The following SGCZ variants were observed in gnomAD, a reference collection of about 807,000 sequenced individuals.
The protein encoded by SGCZ is zeta-sarcoglycan.
A neutral mutation model predicts 41.3 loss-of-function variants in SGCZ; 40 were observed. The observed-to-expected ratio is 0.97, with a 90% confidence interval of 0.75 to 1.26. SGCZ has a LOEUF of 1.26. Among genes scored for constraint, SGCZ ranks in the 50% most tolerant of loss-of-function variants. The pLI is 0.00. For synonymous variants in SGCZ, 206 were observed against 137.5 expected (o/e 1.50, Z -3.49); for missense variants, 552 against 369.8 (o/e 1.49, Z -4.04).
At chr8:14,458,361 C>G (rs1165657269) in intron 2 of SGCZ, among the ~76,000 whole-genome samples, 1 of 152,158 alleles carries the variant, frequency 6.6e-6, no homozygotes, top group South Asian at 2.1e-4. Flanking sequence ...CAAAAATGAC[C>G]GTAAACAAAT....
intron 1 of SGCZ, among the ~76,000 whole-genome samples, chr8:14,613,467 A>T (rs1585125549): frequency 6.6e-6 from 1 of 152,284 alleles, no homozygotes; most frequent in East Asian, 1.9e-4. Flanking sequence ...AAATTCAGGT[A>T]ACTTGAACTG....
chr8:14,535,690 T>C (rs548909294), intron 2 of SGCZ, among the ~76,000 whole-genome samples: 51 of 152,034 alleles, frequency 3.4e-4, no homozygotes, highest in African/African-American at 1.2e-3. Context: ...TATCATCTTA[T>C]TCTATCATTC....
chr8:14,806,294 T>C (rs1161006438), intron 1 of SGCZ, among the ~76,000 whole-genome samples: 1 of 150,524 alleles, frequency 6.6e-6, no homozygotes, highest in African/African-American at 2.5e-5. Context: ...ATCCAGGAGC[T>C]GGTTTTTTGA....
chr8:14,917,186 A>T (rs1483995900), intron 1 of SGCZ, among the ~76,000 whole-genome samples: 1 of 152,110 alleles, frequency 6.6e-6, no homozygotes, highest in East Asian at 1.9e-4. Flanking sequence ...TGTCAGCTTT[A>T]TAGGGAAAAG....
At chr8:14,282,886 G>T in intron 3 of SGCZ, among the ~76,000 whole-genome samples, 1 of 106,978 alleles carries the variant, frequency 9.3e-6, no homozygotes. Flanking sequence ...GTCTCACTCT[G>T]TCACCCAGGC....
chr8:14,956,724 T>C (rs1455600945), intron 1 of SGCZ, among the ~76,000 whole-genome samples: 1 of 152,218 alleles, frequency 6.6e-6, no homozygotes, highest in South Asian at 2.1e-4. Flanking sequence ...TCACATTTCC[T>C]TGATGGTCAG....
At chr8:14,163,545 C>T (rs768154218) in intron 5 of SGCZ, among the ~76,000 whole-genome samples, 1 of 152,156 alleles carries the variant, frequency 6.6e-6, no homozygotes, top group Admixed American at 6.6e-5. Context: ...CCAACACAAC[C>T]TCTTCATTAT....
intron 1 of SGCZ, among the ~76,000 whole-genome samples, chr8:14,870,959 C>T (rs1398181459): frequency 6.6e-6 from 1 of 151,686 alleles, no homozygotes; most frequent in African/African-American, 2.4e-5. Context: ...TGTAATATCA[C>T]CACTTTGGGA....
intron 1 of SGCZ, among the ~76,000 whole-genome samples, chr8:15,169,029 T>C (rs1799750347): frequency 6.6e-6 from 1 of 152,194 alleles, no homozygotes; most frequent in Non-Finnish European, 1.5e-5. Flanking sequence ...TTTTGATACA[T>C]GTTTTCTAAT....
chr8:14,818,101 T>C (rs1341186672), intron 1 of SGCZ, among the ~76,000 whole-genome samples: 3 of 151,964 alleles, frequency 2.0e-5, no homozygotes, highest in Admixed American at 1.3e-4. Context: ...TGGGCAGACC[T>C]CCAATCTTGC....
At chr8:15,166,966 C>T (rs1799683639) in intron 1 of SGCZ, among the ~76,000 whole-genome samples, 1 of 152,106 alleles carries the variant, frequency 6.6e-6, no homozygotes, top group African/African-American at 2.4e-5. Context: ...ACTCAGGAAG[C>T]TGAAGCGAAT....
chr8:14,258,876 T>C (rs1185676902), intron 3 of SGCZ, among the ~76,000 whole-genome samples: 1 of 152,206 alleles, frequency 6.6e-6, no homozygotes, highest in Non-Finnish European at 1.5e-5. Flanking sequence ...GCCTTCTTCA[T>C]GCTTGCAACT....
At chr8:14,618,888 T>C (rs1051477090) in intron 1 of SGCZ, among the ~76,000 whole-genome samples, 17 of 152,050 alleles carry the variant, frequency 1.1e-4, no homozygotes, top group African/African-American at 3.6e-4. Context: ...CTAAGCAAAT[T>C]AACAAGAAAG....
chr8:14,297,181 C>T (rs1159006971), intron 3 of SGCZ, among the ~76,000 whole-genome samples: 2 of 152,140 alleles, frequency 1.3e-5, no homozygotes, highest in Non-Finnish European at 2.9e-5. Flanking sequence ...CCTCGGCCTC[C>T]AAAAGTGCTG....
At chr8:14,185,983 C>T (rs1396528425) in intron 4 of SGCZ, among the ~76,000 whole-genome samples, 2 of 152,174 alleles carry the variant, frequency 1.3e-5, no homozygotes, top group Non-Finnish European at 2.9e-5. Context: ...GTTTGGATAT[C>T]TAATAGGCAT....
chr8:14,219,413 C>T (rs1035203984), intron 4 of SGCZ, among the ~76,000 whole-genome samples: 1 of 152,128 alleles, frequency 6.6e-6, no homozygotes, highest in East Asian at 1.9e-4. Flanking sequence ...AAATTCTAAT[C>T]CAGACAATGC....
intron 1 of SGCZ, among the ~76,000 whole-genome samples, chr8:15,171,271 G>A (rs1799820677): frequency 6.6e-6 from 1 of 152,176 alleles, no homozygotes; most frequent in South Asian, 2.1e-4. Context: ...GAAAGAGATT[G>A]TGCAGGGTAA....
At chr8:14,190,310 C>T (rs1805056137) in intron 4 of SGCZ, among the ~76,000 whole-genome samples, 1 of 151,864 alleles carries the variant, frequency 6.6e-6, no homozygotes. Flanking sequence ...CAGCACCCCG[C>T]CAGCGGAATC....
chr8:14,989,466 A>G lies in SGCZ; in HGVS notation c.39+248119T>C, dbSNP rs76439615. ...ACACCACTGCACTCCAGCCTGTGTG[A>G]TAAAGCAAGACCAGTCCTCTAAATA... On this transcript the variant is annotated intron_variant, in intron 1 of 7. Coordinates refer to ENST00000382080, the MANE Select transcript of SGCZ (RefSeq NM_139167.4). Among the ~76,000 whole-genome samples, 193 of 152,264 alleles carry G rather than the reference A, an allele frequency of 1.3e-3. 5 individuals are homozygous for G. In the East Asian group the frequency reaches 0.034, roughly 27 times the overall value.
Sources: gnomAD v4.1 joint callset for allele counts (sites outside exome capture counted in the v4.1 genomes callset) on GRCh38, gnomAD v4.1.1 for gene constraint, MANE v1.5 for transcripts, NCBI Gene and HGNC (gene_info 2026-07-23, HGNC 2026-07-21) for gene names.